The following EPM2A variants were observed in gnomAD, a reference collection of about 807,000 sequenced individuals.
EPM2A encodes laforin.
Under a neutral mutation model 26.5 loss-of-function variants are expected in EPM2A, and 21 were observed. That is an observed-to-expected ratio of 0.79 (90% CI 0.56 to 1.14). The LOEUF (loss-of-function observed/expected upper bound fraction) is 1.14, where lower values mean the gene tolerates loss of function less well. Ranked by LOEUF, EPM2A falls within the 50% of genes most tolerant of loss-of-function variation. The pLI, the probability that EPM2A is intolerant of heterozygous loss-of-function variation, is 0.00. For synonymous variants in EPM2A, 217 were observed against 177.6 expected (o/e 1.22, Z -1.76); for missense variants, 458 against 440.8 (o/e 1.04, Z -0.35).
chr6:145,407,837 G>C (rs1446384023), intron 4 of EPM2A, among the ~76,000 whole-genome samples: 1 of 152,150 alleles, frequency 6.6e-6, no homozygotes, highest in Non-Finnish European at 1.5e-5. Context: ...AAATGATACT[G>C]TCAGTTTGAC....
At chr6:145,714,879 G>A (rs1434566958) in intron 1 of EPM2A, among the ~76,000 whole-genome samples, 1 of 152,220 alleles carries the variant, frequency 6.6e-6, no homozygotes, top group African/African-American at 2.4e-5. Flanking sequence ...AATTCAAGAT[G>A]AGATTTGGGT....
intron 2 of EPM2A, among the ~76,000 whole-genome samples, chr6:145,664,823 A>G (rs1220507596): frequency 6.6e-6 from 1 of 152,108 alleles, no homozygotes; most frequent in East Asian, 1.9e-4. Flanking sequence ...CTCTCAGACC[A>G]CAGTGCAATC....
intron 2 of EPM2A, among the ~76,000 whole-genome samples, chr6:145,522,061 T>C (rs939900549): frequency 4.6e-5 from 7 of 152,140 alleles, no homozygotes; most frequent in Non-Finnish European, 1.0e-4. Flanking sequence ...CACGCCATTC[T>C]CCTGCCTCAG....
intron 4 of EPM2A, among the ~76,000 whole-genome samples, chr6:145,407,480 G>A (rs1361311485): frequency 2.0e-5 from 3 of 152,122 alleles, no homozygotes; most frequent in Non-Finnish European, 4.4e-5. Flanking sequence ...ATCAAAAAAA[G>A]GCTACAGCAT....
At chr6:145,405,783 T>C (rs1778559479) in intron 4 of EPM2A, among the ~76,000 whole-genome samples, 1 of 152,136 alleles carries the variant, frequency 6.6e-6, no homozygotes, top group Non-Finnish European at 1.5e-5. Context: ...TTCTGGAAAC[T>C]GTTGAATAGC....
chr6:145,660,299 G>A (rs2128587027), intron 2 of EPM2A, among the ~76,000 whole-genome samples: 1 of 152,210 alleles, frequency 6.6e-6, no homozygotes, highest in East Asian at 1.9e-4. Context: ...AAAGCAAAGT[G>A]AAGAATACCT....
At chr6:145,389,557 T>C (rs182826016) in intron 4 of EPM2A, among the ~76,000 whole-genome samples, 1 of 152,304 alleles carries the variant, frequency 6.6e-6, no homozygotes, top group Admixed American at 6.5e-5. Context: ...GCCTCGTGAA[T>C]GTAAGCTCCA....
chr6:145,613,713 G>A (rs1775444565), intron 2 of EPM2A, among the ~76,000 whole-genome samples: 1 of 152,152 alleles, frequency 6.6e-6, no homozygotes, highest in Non-Finnish European at 1.5e-5. Context: ...TTTGTATTTG[G>A]AAAGAGATTT....
At chr6:145,674,338 AGAG>A (rs1343799946) in intron 2 of EPM2A, among the ~76,000 whole-genome samples, 1 of 152,222 alleles carries the variant, frequency 6.6e-6, no homozygotes, top group African/African-American at 2.4e-5. Flanking sequence ...GAGAGAAACC[AGAG>A]GAGAAGTTAA....
At chr6:145,449,001 A>T (rs1196887676) in intron 4 of EPM2A, among the ~76,000 whole-genome samples, 1 of 152,134 alleles carries the variant, frequency 6.6e-6, no homozygotes, top group Non-Finnish European at 1.5e-5. Context: ...AGGGCTAGGG[A>T]TGTGCTTCAT....
intron 2 of EPM2A, among the ~76,000 whole-genome samples, chr6:145,588,674 T>G (rs1156327869): frequency 1.3e-5 from 2 of 152,216 alleles, no homozygotes; most frequent in Non-Finnish European, 2.9e-5. Flanking sequence ...TTCAAACTAT[T>G]TTTGAGCACT....
intron 4 of EPM2A, among the ~76,000 whole-genome samples, chr6:145,427,577 A>G (rs1778868336): frequency 6.6e-6 from 1 of 152,184 alleles, no homozygotes; most frequent in Admixed American, 6.5e-5. Flanking sequence ...TAGAAGAGTA[A>G]ATAAAGGAGT....
chr6:145,657,531 C>A (rs546486726), intron 2 of EPM2A, among the ~76,000 whole-genome samples: 17 of 152,240 alleles, frequency 1.1e-4, no homozygotes, highest in Admixed American at 2.6e-4. Flanking sequence ...ATTTTTCTTT[C>A]TGACCTTAGT....
chr6:145,501,395 T>C (rs1779887773), downstream of EPM2A, among the ~76,000 whole-genome samples: 1 of 152,200 alleles, frequency 6.6e-6, no homozygotes. Flanking sequence ...AATGGTCATA[T>C]GTTTTCTTAC....
rs1455514455 is a variant in EPM2A, at chr6:145,625,627, G to A, written c.*1789C>T. The A allele has an allele frequency of 1.4e-6, 1 of 719,550 alleles. No homozygotes were observed. Among genetic ancestry groups the A allele is most frequent in the Admixed American group, 2.0e-5 (1 of 50,120 alleles). The allele number at this position is 719,550 out of a possible 1,614,324, so 44.6% of individuals were successfully genotyped here. On this transcript the variant is annotated 3_prime_UTR_variant, in exon 4 of 4. Coordinates refer to ENST00000367519, the MANE Select transcript of EPM2A (RefSeq NM_005670.4). ...ACCTGAATACCAATTATTACCTCTA[G>A]TTATTTTTAGCAAGGGAGCTGGACT... is the stretch of plus-strand genomic sequence containing the variant.
intron 3 of EPM2A, chr6:145,629,598 T>C: frequency 6.6e-6 from 1 of 152,334 alleles, no homozygotes; most frequent in East Asian, 1.9e-4. Context: ...TGGAGAGGCC[T>C]GCTCCACTGT....
At chr6:145,640,834 C>A (rs1334571882) in intron 2 of EPM2A, 2 of 152,158 alleles carry the variant, frequency 1.3e-5, no homozygotes, top group Non-Finnish European at 2.9e-5. Context: ...CCTCTAGCAT[C>A]CAGTGTTAAG....
At chr6:145,509,301 G>A (rs1780021013) in intron 2 of EPM2A, among the ~76,000 whole-genome samples, 1 of 151,898 alleles carries the variant, frequency 6.6e-6, no homozygotes, top group African/African-American at 2.4e-5. Context: ...GACTATCCAA[G>A]GTCAATGCAA....
chr6:145,451,509 T>C (rs1292978541), intron 4 of EPM2A, among the ~76,000 whole-genome samples: 1 of 152,234 alleles, frequency 6.6e-6, no homozygotes, highest in East Asian at 1.9e-4. Context: ...TATTCTTCTC[T>C]TTTCCAAATA....
Sources: gnomAD v4.1 joint callset for allele counts (sites outside exome capture counted in the v4.1 genomes callset) on GRCh38, gnomAD v4.1.1 for gene constraint, MANE v1.5 for transcripts, NCBI Gene and HGNC (gene_info 2026-07-23, HGNC 2026-07-21) for gene names.